The following ARHGAP28 variants were observed in gnomAD, a reference collection of about 807,000 sequenced individuals.
The protein encoded by ARHGAP28 is Rho GTPase activating protein 28, also known as rho GTPase-activating protein 28.
Under a neutral mutation model 90.7 loss-of-function variants are expected in ARHGAP28, and 56 were observed. The observed-to-expected ratio is 0.62, with a 90% CI of 0.50 to 0.77. The LOEUF (loss-of-function observed/expected upper bound fraction) is 0.77. ARHGAP28 is among the 30% of genes least tolerant of loss of function. ARHGAP28 has a pLI of 0.00. For synonymous variants in ARHGAP28, 308 were observed against 323.3 expected (o/e 0.95, Z 0.51); for missense variants, 869 against 900.9 (o/e 0.96, Z 0.45).
At chr18:6,755,919 G>C (rs929337754) in intron 1 of ARHGAP28, among the ~76,000 whole-genome samples, 1 of 152,120 alleles carries the variant, frequency 6.6e-6, no homozygotes, top group Admixed American at 6.5e-5. Context: ...GGGCATTTTG[G>C]TTATAAGTCA....
intron 1 of ARHGAP28, among the ~76,000 whole-genome samples, chr18:6,818,901 C>T (rs568607817): frequency 3.3e-5 from 5 of 152,208 alleles, no homozygotes; most frequent in Non-Finnish European, 5.9e-5. Flanking sequence ...AGTCACAGAA[C>T]AGAATTCACA....
At chr18:6,808,089 T>A (rs1462353497) in intron 1 of ARHGAP28, among the ~76,000 whole-genome samples, 1 of 152,122 alleles carries the variant, frequency 6.6e-6, no homozygotes, top group African/African-American at 2.4e-5. Context: ...TGGTTCCTGT[T>A]ACTCCATCTC....
intron 15 of ARHGAP28, 33 bp from the exon 16 acceptor site, chr18:6,896,469 G>T (rs1277403616): frequency 1.2e-6 from 2 of 1,609,930 alleles, no homozygotes; most frequent in Admixed American, 1.7e-5. Flanking sequence ...ATCCTAGTTT[G>T]ACAGACTGTA....
chr18:6,841,180 C>CCTCTCTCTCTCTCTCT (rs143797436), intron 3 of ARHGAP28, among the ~76,000 whole-genome samples: 8 of 57,062 alleles, frequency 1.4e-4, no homozygotes, highest in South Asian at 7.4e-4. Flanking sequence ...CTCTCTCTCT[C>CCTCTCTCTCTCTCTCT]CTCTCTCTCT....
chr18:6,896,698 T>G, intron 16 of ARHGAP28, 72 bp downstream of exon 16: 1 of 1,559,320 alleles, frequency 6.4e-7, no homozygotes, highest in Non-Finnish European at 8.7e-7. Flanking sequence ...TTTCTAGGCA[T>G]TTACAAATTT....
intron 1 of ARHGAP28, among the ~76,000 whole-genome samples, chr18:6,799,576 C>T (rs1244527849): frequency 1.3e-5 from 2 of 152,162 alleles, no homozygotes; most frequent in South Asian, 2.1e-4. Context: ...GAAATAACGC[C>T]GCATATCTAC....
chr18:6,891,830 C>T (rs1013677171), intron 14 of ARHGAP28, among the ~76,000 whole-genome samples: 2 of 151,868 alleles, frequency 1.3e-5, no homozygotes, highest in Admixed American at 1.3e-4. Flanking sequence ...TGGCCTCAAG[C>T]GACCCTTCCA....
intron 17 of ARHGAP28, among the ~76,000 whole-genome samples, chr18:6,911,002 G>C (rs1476940440): frequency 1.3e-5 from 2 of 151,780 alleles, no homozygotes; most frequent in South Asian, 2.1e-4. Context: ...CCATCACCAC[G>C]CCCGGCTAAT....
At chr18:6,904,623 G>A (rs1026631443) in intron 16 of ARHGAP28, among the ~76,000 whole-genome samples, 5 of 151,922 alleles carry the variant, frequency 3.3e-5, no homozygotes, top group African/African-American at 9.7e-5. Context: ...ACAGGAAAAC[G>A]AGAAAGATCA....
chr18:6,801,555 AG>A (rs1307560779), intron 1 of ARHGAP28, among the ~76,000 whole-genome samples: 1 of 152,174 alleles, frequency 6.6e-6, no homozygotes, highest in Non-Finnish European at 1.5e-5. Context: ...GGATTTTGGT[AG>A]GGATTTCATT....
chr18:6,850,309 A>G (rs1265184739), intron 3 of ARHGAP28, among the ~76,000 whole-genome samples: 1 of 152,074 alleles, frequency 6.6e-6, no homozygotes, highest in Non-Finnish European at 1.5e-5. Context: ...CTTCTTTTTC[A>G]TGATGTTGGT....
intron 3 of ARHGAP28, among the ~76,000 whole-genome samples, chr18:6,847,568 C>A (rs1336843757): frequency 6.6e-6 from 1 of 151,690 alleles, no homozygotes; most frequent in Non-Finnish European, 1.5e-5. Context: ...CGAATCTAAC[C>A]ATACGAAGCA....
chr18:6,841,119 TTCTC>T (rs149011221), intron 3 of ARHGAP28, among the ~76,000 whole-genome samples: 7 of 117,104 alleles, frequency 6.0e-5, no homozygotes, highest in Non-Finnish European at 1.2e-4. Context: ...GGTCCTTCTC[TTCTC>T]TCTCTCTCTC....
chr18:6,871,065 G>T (rs545503986), intron 7 of ARHGAP28, among the ~76,000 whole-genome samples: 4 of 152,222 alleles, frequency 2.6e-5, no homozygotes, highest in Admixed American at 6.5e-5. Context: ...CTCTCAAAGT[G>T]CTGGGATTAC....
intron 1 of ARHGAP28, among the ~76,000 whole-genome samples, chr18:6,730,736 T>C (rs779449695): frequency 2.6e-4 from 40 of 152,180 alleles, no homozygotes; most frequent in Non-Finnish European, 4.3e-4. Flanking sequence ...ATGAGTGAGA[T>C]GGTTAGATAT....
At chr18:6,824,036 TTTTG>T (rs1335643767) in intron 1 of ARHGAP28, among the ~76,000 whole-genome samples, 6 of 152,322 alleles carry the variant, frequency 3.9e-5, no homozygotes, top group African/African-American at 1.2e-4. Context: ...ATTATCTGTT[TTTTG>T]TTTGTTTAAT....
intron 2 of ARHGAP28, among the ~76,000 whole-genome samples, chr18:6,835,835 T>C (rs953761706): frequency 6.6e-6 from 1 of 152,202 alleles, no homozygotes; most frequent in African/African-American, 2.4e-5. Flanking sequence ...TCCAGATTCT[T>C]TGCTACCTGT....
At chr18:6,837,934 T>G (rs2056767066) in intron 3 of ARHGAP28, among the ~76,000 whole-genome samples, 1 of 152,224 alleles carries the variant, frequency 6.6e-6, no homozygotes, top group African/African-American at 2.4e-5. Flanking sequence ...AAACATCCCA[T>G]GTTTTATGAT....
chr18:6,730,174 CA>C (rs2055864693), intron 1 of ARHGAP28: 5 of 85,608 alleles, frequency 5.8e-5, no homozygotes, highest in Non-Finnish European at 9.8e-5. Flanking sequence ...CAGAGATTAG[CA>C]AGCAGCAGGA....
Sources: allele counts gnomAD v4.1 joint callset (sites outside exome capture counted in the v4.1 genomes callset), GRCh38; gene constraint gnomAD v4.1.1; transcripts MANE v1.5; gene names NCBI Gene and HGNC (gene_info 2026-07-23, HGNC 2026-07-21).